The following C1orf116 variants were observed in gnomAD, a reference collection of about 807,000 sequenced individuals.
C1orf116 encodes chromosome 1 open reading frame 116, also known as specifically androgen-regulated gene protein.
Under a neutral mutation model 14.1 loss-of-function variants are expected in C1orf116, and 12 were observed. That is an observed-to-expected ratio of 0.85 (90% confidence interval 0.54 to 1.38). The LOEUF (loss-of-function observed/expected upper bound fraction) is 1.38, where lower values mean the gene tolerates loss of function less well. C1orf116 is among the 40% of genes most tolerant of loss of function. The pLI, the probability that C1orf116 is intolerant of heterozygous loss-of-function variation, is 0.00. For synonymous variants in C1orf116, 296 were observed against 299.0 expected (o/e 0.99, Z 0.10); for missense variants, 797 against 747.0 (o/e 1.07, Z -0.78).
intron 1 of C1orf116, among the ~76,000 whole-genome samples, chr1:207,031,620 G>A (rs1416946426): frequency 6.6e-6 from 1 of 152,194 alleles, no homozygotes; most frequent in Non-Finnish European, 1.5e-5. Flanking sequence ...ATGGATAATG[G>A]AGAGGCAACT....
At chr1:207,024,583 C>A (rs1250730805) in intron 3 of C1orf116, among the ~76,000 whole-genome samples, 1 of 152,256 alleles carries the variant, frequency 6.6e-6, no homozygotes, top group African/African-American at 2.4e-5. Context: ...TGACTCCCTC[C>A]CCCGCCTCTG....
Position 207,027,628 on chromosome 1 carries a change from G to A in C1orf116, c.-30C>T. Reference sequence around the variant, plus strand: ...CGAAACAAGGTGCAGGGATGGCAAAGGGGGCTTCTAGAGGGGAAGCGAGGG... The same window carrying A: ...CGAAACAAGGTGCAGGGATGGCAAAAGGGGCTTCTAGAGGGGAAGCGAGGG... On this transcript the variant is annotated 5_prime_UTR_variant, in exon 2 of 4. Transcript: ENST00000359470. The A allele has an allele frequency of 6.2e-7, 1 of 1,607,750 alleles. No individual in the cohort carries two copies. Among genetic ancestry groups the A allele is most frequent in the Non-Finnish European group, 8.5e-7 (1 of 1,179,314 alleles).
chr1:207,029,347 A>G (rs911391131), intron 1 of C1orf116, among the ~76,000 whole-genome samples: 7 of 152,162 alleles, frequency 4.6e-5, no homozygotes, highest in African/African-American at 7.2e-5. Context: ...GGAAGCTCTT[A>G]GGGTTTCTTC....
chr1:207,024,458 C>T (rs1474942440), intron 3 of C1orf116, among the ~76,000 whole-genome samples: 1 of 152,228 alleles, frequency 6.6e-6, no homozygotes, highest in Non-Finnish European at 1.5e-5. Context: ...GTACTTCCCA[C>T]TGCAGCTGGG....
rs773453330 is a variant in C1orf116, at chr1:207,023,447, C to G, written c.317G>C (p.Arg106Pro). 8 of 1,612,972 alleles carry G rather than the reference C, an allele frequency of 5.0e-6. No homozygotes were observed. The highest frequency in any genetic ancestry group is 6.8e-6 in the Non-Finnish European group (8 of 1,179,516). ...GPEETITQQG[R>P]TPRTVTESSS... ...GGACTCAGTTACTGTCCTTGGCGTT[C>G]GTCCTTGCTGAGTGATGGTCTCCTC... is the stretch of plus-strand genomic sequence containing the variant. Residue 106 changes from arginine (R) to proline (P), a missense_variant, in exon 4 of 4, where the codon CGA becomes CCA. Coordinates refer to ENST00000359470, the MANE Select transcript of C1orf116 (RefSeq NM_023938.6).
chr1:207,025,231 T>A (rs572947368), intron 2 of C1orf116, among the ~76,000 whole-genome samples, 167 bp from the exon 3 acceptor site: 54 of 152,230 alleles, frequency 3.5e-4, no homozygotes, highest in Middle Eastern at 3.4e-3. Flanking sequence ...TGGAAACCTT[T>A]CCCTCCTGCT....
intron 3 of C1orf116, among the ~76,000 whole-genome samples, chr1:207,024,066 T>C (rs1372586754): frequency 1.3e-5 from 2 of 152,230 alleles, no homozygotes; most frequent in African/African-American, 4.8e-5. Flanking sequence ...CTACTTGCAC[T>C]TTCTATGAGC....
In C1orf116 at chr1:207,019,686, T is replaced by C. The variant is rs1681772712; in HGVS notation, c.*2272A>G. On this transcript the variant is annotated 3_prime_UTR_variant, in exon 4 of 4. Transcript: ENST00000359470. Reference sequence around the variant, plus strand: ...CAAAGACCATCCTAAGAGCAAAATATGCTCCTTGAAGGATGAGGATGTGGA... The same window carrying C: ...CAAAGACCATCCTAAGAGCAAAATACGCTCCTTGAAGGATGAGGATGTGGA... 1 of 152,214 alleles carries C rather than the reference T, an allele frequency of 6.6e-6. No homozygotes were observed. The highest frequency in any genetic ancestry group is 6.5e-5 in the Admixed American group (1 of 15,286). 9.4% of individuals were successfully genotyped at this position (152,214 alleles called of 1,614,324 possible). A position where few individuals can be genotyped will look rare whatever the true frequency, so the allele number is the denominator to read the frequency against.
intron 3 of C1orf116, 72 bp from the exon 4 acceptor site, chr1:207,023,552 AG>A: frequency 6.7e-7 from 1 of 1,498,516 alleles, no homozygotes; most frequent in African/African-American, 1.4e-5. Flanking sequence ...CCTGCTGCAG[AG>A]GGGAAAGCAA....
chr1:207,029,165 G>C lies in C1orf116; in HGVS notation c.-81-1486C>G, dbSNP rs545401069. 2.0e-5 allele frequency among the ~76,000 whole-genome samples: 3 copies of C among 151,978 alleles called. No individual in the cohort carries two copies. In the South Asian group the frequency reaches 6.3e-4, roughly 32 times the overall value. On this transcript the variant is annotated intron_variant, in intron 1 of 3. Transcript: ENST00000359470. The stretch of plus-strand genomic sequence containing the variant: ...GGAGCTCCTCTTCTGCTTGGGAGGA[G>C]TCTCTTAAAAGGGGCAGGTATGGAG...
At position 207,018,777 on chromosome 1, in the gene C1orf116, C is replaced by A. The variant is rs1464463427; in HGVS notation, c.*3181G>T. ...GGAAAAGAGCCTAGATGTGTTCTAT[C>A]TGCATTCCTGCTTAGATTCTGCATG... On this transcript the variant is annotated 3_prime_UTR_variant, in exon 4 of 4. Transcript: ENST00000359470. 6.6e-6 allele frequency: 1 copy of A among 152,270 alleles called. No homozygotes were observed. The highest frequency in any genetic ancestry group is 2.4e-5 in the African/African-American group (1 of 41,442). 9.4% of individuals were successfully genotyped at this position (152,270 alleles called of 1,614,324 possible).
At chr1:207,024,469 G>A (rs1038607520) in intron 3 of C1orf116, among the ~76,000 whole-genome samples, 50 of 152,308 alleles carry the variant, frequency 3.3e-4, no homozygotes, top group African/African-American at 1.1e-3. Flanking sequence ...TGCAGCTGGG[G>A]AGCCCTTCCT....
chr1:207,028,432 A>C (rs1399936684), intron 1 of C1orf116, among the ~76,000 whole-genome samples: 5 of 152,164 alleles, frequency 3.3e-5, no homozygotes, highest in Non-Finnish European at 7.4e-5. Context: ...CAACATCATC[A>C]CAACCACCGC....
chr1:207,022,048 G>A lies in C1orf116; in HGVS notation c.1716C>T (p.Pro572=), dbSNP rs752758044. The A allele has an allele frequency of 5.6e-6, 9 of 1,603,134 alleles. No individual in the cohort carries two copies. Among genetic ancestry groups the A allele is most frequent in the African/African-American group, 5.4e-5 (4 of 74,464 alleles). ...GGGAGATCTTGACACTGACACAGGGGGGGCGAGGAAGCTTGTCACGGCTCT... is the reference window on the plus strand; with the variant it reads ...GGGAGATCTTGACACTGACACAGGGAGGGCGAGGAAGCTTGTCACGGCTCT... ...QGQSRDKLPR[P]PCVSVKISPK... Residue 572 remains proline, a synonymous_variant, in exon 4 of 4, where the codon CCC becomes CCT. Transcript: ENST00000359470.
In C1orf116 at chr1:207,019,832, G is replaced by A. The variant is rs901107; in HGVS notation, c.*2126C>T. The A allele has an allele frequency of 0.32, 49,260 of 151,962 alleles. 8,524 individuals carry two copies. The highest frequency in any genetic ancestry group is 0.42 in the Middle Eastern group (124 of 294). 9.4% of individuals were successfully genotyped at this position (151,962 alleles called of 1,614,324 possible). ...GGTGCAGGATGTCTGTGACTTTGTC[G>A]TGTGTGGGAGAAATGACCTTTCTCA... On this transcript the variant is annotated 3_prime_UTR_variant, in exon 4 of 4. Coordinates refer to ENST00000359470, the MANE Select transcript of C1orf116 (RefSeq NM_023938.6).
rs1004040818 is a variant in C1orf116 at position 207,021,061 on chromosome 1, C to T, written c.*897G>A. On this transcript the variant is annotated 3_prime_UTR_variant, in exon 4 of 4. Coordinates refer to ENST00000359470, the MANE Select transcript of C1orf116 (RefSeq NM_023938.6). ...GCATCAGCACAGAGAAGATCTGAAA[C>T]GGTTCTTGGGTGTTTATAAAGCCCG... is the stretch of plus-strand genomic sequence containing the variant. 3.3e-5 allele frequency: 5 copies of T among 152,142 alleles called. No individual in the cohort carries two copies. The highest frequency in any genetic ancestry group is 1.3e-4 in the Admixed American group (2 of 15,268). The allele number at this position is 152,142 out of a possible 1,614,324, so 9.4% of individuals were successfully genotyped here. A position where few individuals can be genotyped will look rare whatever the true frequency, so the allele number is the denominator to read the frequency against.
intron 3 of C1orf116, among the ~76,000 whole-genome samples, 180 bp downstream of exon 3, chr1:207,024,707 T>C (rs189418780): frequency 2.6e-5 from 4 of 152,134 alleles, no homozygotes; most frequent in Non-Finnish European, 5.9e-5. Context: ...TTGCCAGGGG[T>C]CCCTCCTTCC....
Position 207,023,456 on chromosome 1 carries a change from T to G in C1orf116, c.308A>C (p.Gln103Pro). Residue 103 changes from glutamine to proline, a missense_variant, in exon 4 of 4, where the codon CAG becomes CCG. By Grantham distance (76) the Gln-to-Pro change is moderately conservative. Transcript: ENST00000359470. ...PRGGPEETIT[Q>P]QGRTPRTVTE... Reference sequence around the variant, plus strand: ...TACTGTCCTTGGCGTTCGTCCTTGCTGAGTGATGGTCTCCTCTGGACCTCC... The same window carrying G: ...TACTGTCCTTGGCGTTCGTCCTTGCGGAGTGATGGTCTCCTCTGGACCTCC... 2 of 1,612,556 alleles carry G rather than the reference T, an allele frequency of 1.2e-6. No homozygotes were observed. Among genetic ancestry groups the G allele is most frequent in the South Asian group, 2.2e-5 (2 of 90,946 alleles).
intron 2 of C1orf116, among the ~76,000 whole-genome samples, chr1:207,026,298 C>T (rs1002455634): frequency 1.4e-4 from 21 of 152,234 alleles, no homozygotes; most frequent in Non-Finnish European, 2.1e-4. Context: ...CTGAAGCTGA[C>T]GCCAAGAGTT....
Sources: allele counts gnomAD v4.1 joint callset (sites outside exome capture counted in the v4.1 genomes callset), GRCh38; gene constraint gnomAD v4.1.1; transcripts MANE v1.5; gene names NCBI Gene and HGNC (gene_info 2026-07-23, HGNC 2026-07-21).